The following RAB38 variants were observed in gnomAD, a reference collection of about 807,000 sequenced individuals.
RAB38 encodes the protein ras-related protein Rab-38.
Under a neutral mutation model 18.4 loss-of-function variants are expected in RAB38, and 15 were observed. The ratio of observed to expected loss-of-function variants is 0.82; its 90% CI spans 0.55 to 1.26. The LOEUF (loss-of-function observed/expected upper bound fraction) is 1.26. RAB38 is among the 50% of genes most tolerant of loss of function. The pLI, the probability that RAB38 is intolerant of heterozygous loss-of-function variation, is 0.00. For synonymous variants in RAB38, 101 were observed against 104.4 expected (o/e 0.97, Z 0.20); for missense variants, 294 against 267.4 (o/e 1.10, Z -0.69).
the RAB38 span, among the ~76,000 whole-genome samples, chr11:87,804,110 A>T: frequency 5.3e-5 from 8 of 152,234 alleles, no homozygotes; most frequent in African/African-American, 1.9e-4. Context: ...TCCTTTTGGT[A>T]AATAGCAAAT....
intron 1 of RAB38, chr11:88,173,862 G>A (rs1451333478): frequency 3.0e-6 from 3 of 985,314 alleles, no homozygotes; most frequent in African/African-American, 1.7e-5. Context: ...AGGCCTGGCA[G>A]TTCATGATTA....
intron 1 of RAB38, among the ~76,000 whole-genome samples, chr11:88,159,375 G>C (rs1239024642): frequency 6.6e-6 from 1 of 151,516 alleles, no homozygotes; most frequent in Non-Finnish European, 1.5e-5. Context: ...TCATAGGTTG[G>C]AAGAGTCAAT....
chr11:88,033,845 A>C, the RAB38 span, among the ~76,000 whole-genome samples: 2 of 147,708 alleles, frequency 1.4e-5, no homozygotes, highest in African/African-American at 2.5e-5. Flanking sequence ...CTCTTGCCTC[A>C]GCCTCCCAAG....
chr11:88,051,515 G>C, the RAB38 span, among the ~76,000 whole-genome samples: 1 of 151,012 alleles, frequency 6.6e-6, no homozygotes, highest in Non-Finnish European at 1.5e-5. Flanking sequence ...AGGTGAAACT[G>C]AACTTGCAGC....
At chr11:87,880,143 A>G in the RAB38 span, 1 of 151,916 alleles carries the variant, frequency 6.6e-6, no homozygotes, top group Admixed American at 6.6e-5. Context: ...GTTGACTATT[A>G]CTAGAAATAG....
chr11:87,894,789 A>T, the RAB38 span, among the ~76,000 whole-genome samples: 2 of 149,252 alleles, frequency 1.3e-5, no homozygotes, highest in South Asian at 2.1e-4. Flanking sequence ...ATTATATATC[A>T]TATATATATA....
chr11:88,017,671 A>T, the RAB38 span, among the ~76,000 whole-genome samples: 1 of 148,408 alleles, frequency 6.7e-6, no homozygotes, highest in East Asian at 2.0e-4. Flanking sequence ...CTGTCTCTAT[A>T]TGTTACCCAG....
chr11:87,817,679 AT>A, the RAB38 span: 1 of 152,100 alleles, frequency 6.6e-6, no homozygotes, highest in African/African-American at 2.4e-5. Flanking sequence ...AATTGTTATT[AT>A]TTTTATGCAA....
chr11:87,872,388 C>T, the RAB38 span, among the ~76,000 whole-genome samples: 1 of 151,576 alleles, frequency 6.6e-6, no homozygotes, highest in South Asian at 2.1e-4. Flanking sequence ...CACAGCCTCC[C>T]CCACCATCAA....
chr11:88,006,799 T>C, the RAB38 span, among the ~76,000 whole-genome samples: 9 of 151,292 alleles, frequency 5.9e-5, no homozygotes, highest in African/African-American at 2.2e-4. Context: ...ATCTAAGAAG[T>C]TGTCCTCACA....
the RAB38 span, chr11:87,817,334 T>A: frequency 6.6e-6 from 1 of 152,190 alleles, no homozygotes; most frequent in Non-Finnish European, 1.5e-5. Flanking sequence ...TGTACCATAT[T>A]TTTTTCTTAC....
At chr11:88,085,687 A>G in the RAB38 span, among the ~76,000 whole-genome samples, 1 of 151,956 alleles carries the variant, frequency 6.6e-6, no homozygotes, top group African/African-American at 2.4e-5. Flanking sequence ...GTCTTTGTAA[A>G]CCAAGTTTTA....
At chr11:88,092,107 T>G in the RAB38 span, among the ~76,000 whole-genome samples, 1 of 151,716 alleles carries the variant, frequency 6.6e-6, no homozygotes, top group South Asian at 2.1e-4. Flanking sequence ...AGGTAGGGAT[T>G]ACTTTTGTTG....
the RAB38 span, among the ~76,000 whole-genome samples, chr11:87,977,394 TATATAATTATATTATAAA>T: frequency 1.8e-4 from 8 of 43,938 alleles, no homozygotes; most frequent in Non-Finnish European, 2.9e-4. Flanking sequence ...TATAATTATA[TATATAATTATATTATAAA>T]ATATAATTAT....
the RAB38 span, among the ~76,000 whole-genome samples, chr11:88,107,973 G>T: frequency 6.6e-6 from 1 of 152,090 alleles, no homozygotes; most frequent in Non-Finnish European, 1.5e-5. Context: ...ATTGCACTGT[G>T]GTCTGAGAGA....
At chr11:87,900,060 GA>G in the RAB38 span, among the ~76,000 whole-genome samples, 6 of 151,398 alleles carry the variant, frequency 4.0e-5, no homozygotes, top group Admixed American at 3.3e-4. Context: ...GAGATATGAT[GA>G]AAAACTCAAG....
chr11:88,025,951 T>A, the RAB38 span, among the ~76,000 whole-genome samples: 1 of 152,070 alleles, frequency 6.6e-6, no homozygotes, highest in East Asian at 1.9e-4. Flanking sequence ...CAAAGGCCAA[T>A]CTACAGAATG....
At chr11:88,076,988 GAAAAGAAAAGAAAA>G in the RAB38 span, among the ~76,000 whole-genome samples, 1 of 70,460 alleles carries the variant, frequency 1.4e-5, no homozygotes, top group African/African-American at 5.0e-5. Context: ...AAGAAAGAAA[GAAAAGAAAAGAAAA>G]GAAAAGAAAA....
In RAB38 at chr11:88,124,768, T is replaced by C. The variant is rs567999335; in HGVS notation, c.484-10628A>G. ...TTTTCTTCATTCCACAAACTTGTAA[T>C]TGAAAATTAAAAAGAGGAGATACAT... On this transcript the variant is annotated intron_variant, in intron 2 of 2. Coordinates refer to ENST00000243662, the MANE Select transcript of RAB38 (RefSeq NM_022337.3). Among the ~76,000 whole-genome samples the C allele has an allele frequency of 1.0e-3, 155 of 152,328 alleles. 2 individuals are homozygous for C. The highest frequency in any genetic ancestry group is 3.1e-3 in the African/African-American group (130 of 41,572).
Sources: allele counts gnomAD v4.1 joint callset (sites outside exome capture counted in the v4.1 genomes callset), GRCh38; gene constraint gnomAD v4.1.1; transcripts MANE v1.5; gene names NCBI Gene and HGNC (gene_info 2026-07-23, HGNC 2026-07-21).